The following KATNA1 variants were observed in gnomAD, a reference collection of about 807,000 sequenced individuals.
KATNA1 encodes katanin catalytic subunit A1, also known as katanin p60 ATPase-containing subunit A1.
Under a neutral mutation model 62.6 loss-of-function variants are expected in KATNA1, and 42 were observed. The ratio of observed to expected loss-of-function variants is 0.67; its 90% confidence interval spans 0.52 to 0.87. KATNA1 has a LOEUF of 0.87. KATNA1 is among the 40% of genes least tolerant of loss of function. The pLI, the probability that KATNA1 is intolerant of heterozygous loss-of-function variation, is 0.00. For missense variants in KATNA1, 498 were observed against 612.5 expected (o/e 0.81, Z 1.97); for synonymous variants, 186 against 201.9 (o/e 0.92, Z 0.67).
chr6:149,647,284 G>A (rs1335411159), intron 1 of KATNA1, among the ~76,000 whole-genome samples: 1 of 151,834 alleles, frequency 6.6e-6, no homozygotes, highest in Admixed American at 6.6e-5. Context: ...AACACTTTGG[G>A]AGGCCTAGGC....
intron 3 of KATNA1, among the ~76,000 whole-genome samples, chr6:149,624,608 G>C (rs1779532557): frequency 6.6e-6 from 1 of 151,748 alleles, no homozygotes; most frequent in Admixed American, 6.6e-5. Flanking sequence ...TCAAACCCCT[G>C]GGCTCAATCG....
At chr6:149,643,214 C>T (rs2114639643) in intron 1 of KATNA1, among the ~76,000 whole-genome samples, 1 of 152,328 alleles carries the variant, frequency 6.6e-6, no homozygotes, top group African/African-American at 2.4e-5. Context: ...CTGCCAACAA[C>T]CATGTGAGTG....
intron 7 of KATNA1, among the ~76,000 whole-genome samples, chr6:149,599,622 A>G (rs1290278524): frequency 3.3e-5 from 5 of 151,592 alleles, no homozygotes; most frequent in South Asian, 2.1e-4. Context: ...GGTTCAAGCA[A>G]TTCTCCTGCC....
At chr6:149,638,172 C>T (rs553674522) in intron 2 of KATNA1, among the ~76,000 whole-genome samples, 1 of 152,164 alleles carries the variant, frequency 6.6e-6, no homozygotes, top group South Asian at 2.1e-4. Context: ...TGAAGTCTTG[C>T]TATGTTGTCT....
intron 3 of KATNA1, 74 bp from the exon 4 acceptor site, chr6:149,623,357 G>C: frequency 8.9e-7 from 1 of 1,117,656 alleles, no homozygotes; most frequent in Non-Finnish European, 1.2e-6. Context: ...TGTAAGTTAA[G>C]AGTCTATGAA....
intron 4 of KATNA1, among the ~76,000 whole-genome samples, chr6:149,609,100 C>T (rs1011520502): frequency 1.2e-4 from 18 of 152,108 alleles, no homozygotes; most frequent in Admixed American, 6.5e-5. Context: ...TGTTAGTTTC[C>T]TGACAGATTT....
rs1562284874 is a variant in KATNA1, at chr6:149,609,814, A to AAAAAAAAAAAAAAAAAAAAAAAC, written c.502-5033_502-5032insGTTTTTTTTTTTTTTTTTTTTTT. Among the ~76,000 whole-genome samples, 5 of 141,556 alleles carry AAAAAAAAAAAAAAAAAAAAAAAC rather than the reference A, an allele frequency of 3.5e-5. 1 individual carries two copies. Among genetic ancestry groups the AAAAAAAAAAAAAAAAAAAAAAAC allele is most frequent in the African/African-American group, 1.4e-4 (5 of 36,110 alleles). 92.9% of individuals were successfully genotyped at this position (141,556 alleles called of 152,430 possible). On this transcript the variant is annotated intron_variant, in intron 4 of 10. Transcript: ENST00000367411. ...CTAGACTCCATCTCAAAAAAAAAAA[A>AAAAAAAAAAAAAAAAAAAAAAAC]AATAGGCCAGGTGCGGTGGCTCATG...
At chr6:149,626,292 C>CTTTTTTTTCT (rs1779605034) in intron 3 of KATNA1, among the ~76,000 whole-genome samples, 1 of 88,748 alleles carries the variant, frequency 1.1e-5, no homozygotes, top group Non-Finnish European at 2.0e-5. Flanking sequence ...ATAACATTTA[C>CTTTTTTTTCT]TTTTTTTTTT....
At chr6:149,613,727 T>C (rs1357254641) in intron 4 of KATNA1, among the ~76,000 whole-genome samples, 3 of 152,186 alleles carry the variant, frequency 2.0e-5, no homozygotes, top group Non-Finnish European at 2.9e-5. Flanking sequence ...TGACAAATTA[T>C]GGTTAATTCT....
intron 4 of KATNA1, among the ~76,000 whole-genome samples, chr6:149,606,921 G>C (rs1778763066): frequency 6.6e-6 from 1 of 152,058 alleles, no homozygotes; most frequent in Non-Finnish European, 1.5e-5. Context: ...CACCCAGCCA[G>C]AACTGTGTAA....
At chr6:149,639,705 A>G (rs547044137) in intron 1 of KATNA1, among the ~76,000 whole-genome samples, 2 of 152,322 alleles carry the variant, frequency 1.3e-5, no homozygotes, top group East Asian at 3.9e-4. Context: ...CAGTTTTCCT[A>G]GTATGTCTAC....
At chr6:149,624,366 G>C (rs1779523377) in intron 3 of KATNA1, among the ~76,000 whole-genome samples, 2 of 152,124 alleles carry the variant, frequency 1.3e-5, no homozygotes, top group Admixed American at 1.3e-4. Flanking sequence ...CTCATGTTCA[G>C]TGCTTTACAT....
intron 4 of KATNA1, among the ~76,000 whole-genome samples, chr6:149,608,709 C>A (rs1229584483): frequency 6.6e-6 from 1 of 152,212 alleles, no homozygotes; most frequent in African/African-American, 2.4e-5. Flanking sequence ...CCCACCCCTC[C>A]CCGCCACAGT....
chr6:149,595,366 G>T (rs1778263437), intron 10 of KATNA1, 132 bp from the exon 11 acceptor site: 1 of 571,888 alleles, frequency 1.7e-6, no homozygotes, highest in South Asian at 3.0e-5. Context: ...ATGTAGTATT[G>T]TATAGAAACT....
chr6:149,612,982 C>G (rs1176500740), intron 4 of KATNA1, among the ~76,000 whole-genome samples: 1 of 151,252 alleles, frequency 6.6e-6, no homozygotes, highest in East Asian at 1.9e-4. Flanking sequence ...TCCACAAAAC[C>G]ATCCTGGCTA....
intron 4 of KATNA1, among the ~76,000 whole-genome samples, chr6:149,618,335 G>A (rs955941514): frequency 2.3e-4 from 35 of 151,630 alleles, no homozygotes; most frequent in Non-Finnish European, 3.7e-4. Context: ...AAAATTAGCC[G>A]GGCATGGTAG....
chr6:149,640,782 C>T (rs1455231440), intron 1 of KATNA1, among the ~76,000 whole-genome samples: 3 of 152,026 alleles, frequency 2.0e-5, no homozygotes, highest in African/African-American at 7.2e-5. Flanking sequence ...CTTGGGACCT[C>T]GTGATCCGCC....
At chr6:149,610,650 C>T (rs1582766687) in intron 4 of KATNA1, among the ~76,000 whole-genome samples, 1 of 152,050 alleles carries the variant, frequency 6.6e-6, no homozygotes, top group Non-Finnish European at 1.5e-5. Flanking sequence ...AACACACTGA[C>T]CTGAAGAAAA....
intron 4 of KATNA1, among the ~76,000 whole-genome samples, chr6:149,612,191 T>C (rs1031556737): frequency 6.6e-6 from 1 of 152,094 alleles, no homozygotes; most frequent in Non-Finnish European, 1.5e-5. Flanking sequence ...CAAGCCCAGG[T>C]AGTTTCATTG....
Sources: allele counts gnomAD v4.1 joint callset (sites outside exome capture counted in the v4.1 genomes callset), GRCh38; gene constraint gnomAD v4.1.1; transcripts MANE v1.5; gene names NCBI Gene and HGNC (gene_info 2026-07-23, HGNC 2026-07-21).